LMNB1: variants seen among roughly 807,000 people sequenced by gnomAD.
LMNB1 encodes lamin-B1.
Under a neutral mutation model 67.1 loss-of-function variants are expected in LMNB1, and 23 were observed. The ratio of observed to expected loss-of-function variants is 0.34; its 90% CI spans 0.25 to 0.49. The LOEUF (loss-of-function observed/expected upper bound fraction) is 0.49. LMNB1 is among the 20% of genes least tolerant of loss of function. The pLI, the probability that LMNB1 is intolerant of heterozygous loss-of-function variation, is 0.99. For missense variants in LMNB1, 634 were observed against 746.5 expected (o/e 0.85, Z 1.76); for synonymous variants, 281 against 282.9 (o/e 0.99, Z 0.07).
intron 3 of LMNB1, among the ~76,000 whole-genome samples, chr5:126,808,145 T>C (rs1351562732): frequency 6.6e-6 from 1 of 151,944 alleles, no homozygotes; most frequent in Non-Finnish European, 1.5e-5. Context: ...GTGCTGGGAT[T>C]ATAGTTGTGA....
intron 9 of LMNB1, among the ~76,000 whole-genome samples, chr5:126,827,602 G>A (rs1214489926): frequency 1.3e-5 from 2 of 152,150 alleles, no homozygotes; most frequent in Non-Finnish European, 2.9e-5. Flanking sequence ...AGCTGAGATT[G>A]CGCCATTGCA....
intron 1 of LMNB1, among the ~76,000 whole-genome samples, chr5:126,799,043 GGA>G (rs1178603697): frequency 7.1e-6 from 1 of 140,600 alleles, no homozygotes; most frequent in Non-Finnish European, 1.5e-5. Context: ...TTTTTGAGAC[GGA>G]GTCTCGCTGT....
chr5:126,808,742 T>G (rs1751513183), intron 3 of LMNB1, among the ~76,000 whole-genome samples: 1 of 152,200 alleles, frequency 6.6e-6, no homozygotes. Context: ...TTTTGTCAAG[T>G]GCATGCTCCT....
At chr5:126,789,632 T>C (rs1750900914) in intron 1 of LMNB1, among the ~76,000 whole-genome samples, 3 of 152,230 alleles carry the variant, frequency 2.0e-5, no homozygotes, top group African/African-American at 7.2e-5. Flanking sequence ...CAGTCCCGTT[T>C]ACTGTGATCC....
chr5:126,777,599 CAGG>C lies in LMNB1; in HGVS notation c.94_96del (p.Glu32del). On this transcript the variant is annotated inframe_deletion, in exon 1 of 11. Coordinates refer to ENST00000261366, the MANE Select transcript of LMNB1 (RefSeq NM_005573.4). Reference sequence around the variant, plus strand: ...GAGCCCCACGCGCCTGTCGCGGCTCCAGGAGAAGGAGGAGCTGCGCGAGCTCAA... The same window carrying C: ...GAGCCCCACGCGCCTGTCGCGGCTCCAGAAGGAGGAGCTGCGCGAGCTCAA... The C allele has an allele frequency of 6.5e-7, 1 of 1,532,370 alleles. No homozygotes were observed. Among genetic ancestry groups the C allele is most frequent in the Non-Finnish European group, 8.8e-7 (1 of 1,139,660 alleles). The allele number at this position is 1,532,370 out of a possible 1,614,324, so 94.9% of individuals were successfully genotyped here.
intron 10 of LMNB1, 94 bp from the exon 11 acceptor site, chr5:126,836,129 T>C: frequency 1.2e-6 from 1 of 866,056 alleles, no homozygotes; most frequent in South Asian, 1.4e-5. Context: ...GGTAATATGG[T>C]TTGGTATCCC....
chr5:126,824,566 C>G (rs1003725436), intron 8 of LMNB1, among the ~76,000 whole-genome samples: 3 of 152,132 alleles, frequency 2.0e-5, no homozygotes, highest in African/African-American at 7.2e-5. Flanking sequence ...AGGATACTGA[C>G]ATTTTATGAT....
chr5:126,791,143 ATCT>A lies in LMNB1; in HGVS notation c.359+13281_359+13283del, dbSNP rs776925218. On this transcript the variant is annotated intron_variant, in intron 1 of 10. Transcript: ENST00000261366. ...AGTGAAAAATTTAAAAGCTTGTAGG[ATCT>A]TCTTTTGATCCAGTTCTAAAATTTC... 3.3e-5 allele frequency among the ~76,000 whole-genome samples: 5 copies of A among 152,116 alleles called. No homozygotes were observed. In the East Asian group the frequency reaches 7.7e-4, roughly 23 times the overall value.
At chr5:126,800,730 G>A (rs1308583675) in intron 1 of LMNB1, among the ~76,000 whole-genome samples, 4 of 127,882 alleles carry the variant, frequency 3.1e-5, no homozygotes, top group Non-Finnish European at 4.7e-5. Context: ...TTGGCTCACC[G>A]CAACCTCTGC....
chr5:126,805,494 T>C, intron 2 of LMNB1, 77 bp from the exon 3 acceptor site: 1 of 953,736 alleles, frequency 1.0e-6, no homozygotes, highest in South Asian at 1.6e-5. Flanking sequence ...TGATTTGATT[T>C]GATTCATAGA....
At position 126,816,569 on chromosome 5, in the gene LMNB1, A is replaced by G. The variant is rs192188167; in HGVS notation, c.940-2353A>G. On this transcript the variant is annotated intron_variant, in intron 5 of 10. Transcript: ENST00000261366. ...ACTAAGAAACTGACATTGGTATATTACTGTGAACTCGTCTCCAGACTATTT... is the reference window on the plus strand; with the variant it reads ...ACTAAGAAACTGACATTGGTATATTGCTGTGAACTCGTCTCCAGACTATTT... 1.6e-3 allele frequency among the ~76,000 whole-genome samples: 242 copies of G among 152,336 alleles called. 1 individual carries two copies. The highest frequency in any genetic ancestry group is 5.4e-3 in the African/African-American group (225 of 41,582).
chr5:126,788,487 A>G (rs948532478), intron 1 of LMNB1, among the ~76,000 whole-genome samples: 2 of 152,130 alleles, frequency 1.3e-5, no homozygotes, highest in Admixed American at 1.3e-4. Flanking sequence ...AAATGCAAAA[A>G]TTAGCCAGGC....
intron 4 of LMNB1, among the ~76,000 whole-genome samples, chr5:126,811,213 G>C (rs1751571179): frequency 6.6e-6 from 1 of 152,226 alleles, no homozygotes; most frequent in Non-Finnish European, 1.5e-5. Context: ...ACAGACTGTG[G>C]CCTCACAGGG....
At chr5:126,802,371 A>G (rs1315977843) in intron 1 of LMNB1, among the ~76,000 whole-genome samples, 1 of 152,142 alleles carries the variant, frequency 6.6e-6, no homozygotes, top group South Asian at 2.1e-4. Flanking sequence ...TTACTTTTTT[A>G]GTTTATTTTT....
In LMNB1 at chr5:126,777,482, G is replaced by A. The variant is rs748031105; in HGVS notation, c.-27G>A. On this transcript the variant is annotated 5_prime_UTR_variant, in exon 1 of 11. Transcript: ENST00000261366. The stretch of plus-strand genomic sequence containing the variant: ...TTATCACGGTCCCGCTCGCGGCCTC[G>A]CCGCCCCGCTGTCTCCGCCGCCCGC... 2.1e-5 allele frequency: 27 copies of A among 1,302,268 alleles called. No homozygotes were observed. The highest frequency in any genetic ancestry group is 5.2e-5 in the South Asian group (2 of 38,424). 80.7% of individuals were successfully genotyped at this position (1,302,268 alleles called of 1,614,324 possible). A position where few individuals can be genotyped will look rare whatever the true frequency, so the allele number is the denominator to read the frequency against.
At chr5:126,821,320 A>G (rs1051289753) in intron 7 of LMNB1, among the ~76,000 whole-genome samples, 185 bp downstream of exon 7, 5 of 152,170 alleles carry the variant, frequency 3.3e-5, no homozygotes, top group Non-Finnish European at 5.9e-5. Context: ...AGAGTTAGGT[A>G]CCCTTAGTAG....
At chr5:126,805,777 T>G in intron 3 of LMNB1, 81 bp downstream of exon 3, 1 of 1,020,248 alleles carries the variant, frequency 9.8e-7, no homozygotes, top group Non-Finnish European at 1.4e-6. Context: ...GTAATTATAT[T>G]TTATTTATGA....
At position 126,836,125 on chromosome 5, in the gene LMNB1, A is replaced by G. The variant is rs766925149; in HGVS notation, c.1720-98A>G. ...AAGGGTCCATTTGAGGTTAGGTAAT[A>G]TGGTTTGGTATCCCTGTAGTTAAAA... On this transcript the variant is annotated intron_variant, in intron 10 of 10. Transcript: ENST00000261366. The G allele has an allele frequency of 2.0e-4, 165 of 824,570 alleles. 1 individual carries two copies. The highest frequency in any genetic ancestry group is 1.0e-3 in the South Asian group (70 of 67,380). The allele number at this position is 824,570 out of a possible 1,614,324, so 51.1% of individuals were successfully genotyped here.
chr5:126,819,187 C>T (rs778113235), intron 6 of LMNB1, 45 bp downstream of exon 6: 1 of 1,323,784 alleles, frequency 7.6e-7, no homozygotes, highest in Admixed American at 2.2e-5. Flanking sequence ...CACTTTTTGC[C>T]TCTCACCCTT....
Sources: gnomAD v4.1 joint callset for allele counts (sites outside exome capture counted in the v4.1 genomes callset) on GRCh38, gnomAD v4.1.1 for gene constraint, MANE v1.5 for transcripts, NCBI Gene and HGNC (gene_info 2026-07-23, HGNC 2026-07-21) for gene names.